Variants in CASP8 observed in about 807,000 individuals in gnomAD.
CASP8 encodes caspase 8, also known as caspase-8.
CASP8 carries 24 observed loss-of-function variants against 46.3 expected under a neutral mutation model. The ratio of observed to expected loss-of-function variants is 0.52; its 90% confidence interval spans 0.38 to 0.73. The LOEUF (loss-of-function observed/expected upper bound fraction) is 0.73. CASP8 is among the 30% of genes least tolerant of loss of function. CASP8 has a pLI of 0.00. For synonymous variants in CASP8, 188 were observed against 200.4 expected, an observed-to-expected ratio of 0.94 and a Z score of 0.52; for missense variants, 460 against 559.0, an observed-to-expected ratio of 0.82 and a Z score of 1.79.
chr2:201,270,691 G>A (rs1025872498), intron 2 of CASP8, among the ~76,000 whole-genome samples: 9 of 151,988 alleles, frequency 5.9e-5, no homozygotes, highest in South Asian at 4.1e-4. Context: ...CACCACACCC[G>A]GCTAATTTTT....
intron 2 of CASP8, chr2:201,242,003 C>G (rs147067357): frequency 6.6e-6 from 1 of 152,058 alleles, no homozygotes; most frequent in East Asian, 1.9e-4. Context: ...AATTCAATAC[C>G]CTTTCGTGAT....
At chr2:201,239,136 G>A (rs906103216) in intron 2 of CASP8, among the ~76,000 whole-genome samples, 1 of 152,230 alleles carries the variant, frequency 6.6e-6, no homozygotes, top group African/African-American at 2.4e-5. Context: ...TCTTAGTATA[G>A]AACAAAATGA....
At chr2:201,245,690 G>A (rs932710879) in intron 2 of CASP8, among the ~76,000 whole-genome samples, 3 of 152,182 alleles carry the variant, frequency 2.0e-5, no homozygotes, top group African/African-American at 7.2e-5. Flanking sequence ...GGAGTGAGGC[G>A]TAGGTTCCAG....
In CASP8 at chr2:201,285,144, G is replaced by A. The variant is rs747459798; in HGVS notation, c.1131G>A (p.Glu377=). The change falls in exon 8 of 9, where the codon GAG becomes GAA. Residue 377 remains glutamate (E), a synonymous_variant. Coordinates refer to ENST00000673742, the MANE Select transcript of CASP8 (RefSeq NM_001372051.1). ...KGIPVETDSE[E]QPYLEMDLSS... is the part of the protein sequence containing the mutation. ...TACCTGTTGAGACTGATTCAGAGGA[G>A]CAACCCTATTTAGAAATGGATTTAT... 1 of 1,614,174 alleles carries A rather than the reference G, an allele frequency of 6.2e-7. No individual in the cohort carries two copies. Among genetic ancestry groups the A allele is most frequent in the Non-Finnish European group, 8.5e-7 (1 of 1,180,020 alleles).
At chr2:201,282,425 A>G (rs1949120461) in intron 7 of CASP8, among the ~76,000 whole-genome samples, 1 of 78,206 alleles carries the variant, frequency 1.3e-5, no homozygotes, top group Non-Finnish European at 3.1e-5. Flanking sequence ...CATTGTCATC[A>G]TGGCCCATCC....
At chr2:201,263,958 A>G (rs1168918823) in intron 1 of CASP8, among the ~76,000 whole-genome samples, 1 of 152,234 alleles carries the variant, frequency 6.6e-6, no homozygotes, top group Non-Finnish European at 1.5e-5. Context: ...ACCTCCACCC[A>G]TCAGCCTTCT....
intron 2 of CASP8, chr2:201,269,442 C>T (rs1266572904): frequency 9.3e-7 from 1 of 1,073,968 alleles, no homozygotes; most frequent in African/African-American, 1.5e-5. Context: ...TCCTAAAAAC[C>T]CACAGCCCCA....
intron 8 of CASP8, 44 bp from the exon 9 acceptor site, chr2:201,286,415 G>C (rs533905633): frequency 1.2e-6 from 2 of 1,601,516 alleles, no homozygotes; most frequent in East Asian, 4.5e-5. Context: ...TTCATCAGTT[G>C]CTTTCCCCCA....
chr2:201,233,693 C>A (rs887245363), intron 1 of CASP8: 3 of 152,156 alleles, frequency 2.0e-5, no homozygotes, highest in Non-Finnish European at 2.9e-5. Flanking sequence ...TTCTTTTCCA[C>A]GTGAAAAGAT....
rs1000153701 is a variant in CASP8, at chr2:201,281,297, G to C, written c.803-3519G>C. 5.3e-5 allele frequency among the ~76,000 whole-genome samples: 8 copies of C among 152,206 alleles called. No individual in the cohort carries two copies. In the East Asian group the frequency reaches 1.2e-3, roughly 22 times the overall value. The stretch of plus-strand genomic sequence containing the variant: ...ACACTGCACTGTAGCCTGGGTGACA[G>C]AGTGAGACCTTTTCTAAAAAAAATT... On this transcript the variant is annotated intron_variant, in intron 7 of 8. Transcript: ENST00000673742.
rs376132296 is a variant in CASP8, at chr2:201,281,865, A to G, written c.803-2951A>G. 33 of 1,479,992 alleles carry G rather than the reference A, an allele frequency of 2.2e-5. 3 individuals are homozygous for G. The African/African-American group carries it at 3.9e-4, about 17-fold the overall frequency. The allele number at this position is 1,479,992 out of a possible 1,614,324, so 91.7% of individuals were successfully genotyped here. Reference sequence around the variant, plus strand: ...GAATGTTTTTAGCTGGTGGCAATAAATATTAGAAGCCTGCAGAATCCAGCT... The same window carrying G: ...GAATGTTTTTAGCTGGTGGCAATAAGTATTAGAAGCCTGCAGAATCCAGCT... On this transcript the variant is annotated intron_variant, in intron 7 of 8. Coordinates refer to ENST00000673742, the MANE Select transcript of CASP8 (RefSeq NM_001372051.1).
chr2:201,267,525 G>T (rs537633989), intron 2 of CASP8, among the ~76,000 whole-genome samples: 1 of 152,128 alleles, frequency 6.6e-6, no homozygotes, highest in South Asian at 2.1e-4. Context: ...GGCACGTTGG[G>T]TCATCCTGCC....
At chr2:201,240,576 A>G (rs1260291857) in intron 2 of CASP8, 1 of 152,268 alleles carries the variant, frequency 6.6e-6, no homozygotes, top group Non-Finnish European at 1.5e-5. Context: ...CCATACAAAA[A>G]TAGTAGGAGA....
At chr2:201,275,001 TATTTA>T in intron 6 of CASP8, 48 bp downstream of exon 6, 1 of 1,336,964 alleles carries the variant, frequency 7.5e-7, no homozygotes, top group Non-Finnish European at 1.1e-6. Context: ...AGATTCTAGT[TATTTA>T]ATTTGTTAGC....
At chr2:201,246,514 A>G (rs1276281452) in intron 2 of CASP8, among the ~76,000 whole-genome samples, 2 of 152,196 alleles carry the variant, frequency 1.3e-5, no homozygotes, top group Non-Finnish European at 2.9e-5. Context: ...TTATTATGCA[A>G]TCATCAAATG....
chr2:201,265,981 GT>G (rs113734571), intron 1 of CASP8, among the ~76,000 whole-genome samples: 87,836 of 138,778 alleles, frequency 0.63, 27,451 homozygotes, highest in South Asian at 0.76. Flanking sequence ...TGTTTTTTGT[GT>G]TTTTTTTTTT....
chr2:201,261,690 A>G lies in CASP8; in HGVS notation c.-27+1077A>G, dbSNP rs541378711. On this transcript the variant is annotated intron_variant, in intron 1 of 8. Coordinates refer to ENST00000673742, the MANE Select transcript of CASP8 (RefSeq NM_001372051.1). ...CCGCAGTCTGAGGCAGCCAGCCTGG[A>G]TTGGAGGGAGTGGCAATACTACCTG... 3.7e-4 allele frequency among the ~76,000 whole-genome samples: 56 copies of G among 152,228 alleles called. 2 individuals carry two copies. In the South Asian group the frequency reaches 0.011, roughly 30 times the overall value.
chr2:201,261,481 G>T (rs539469949), intron 1 of CASP8, among the ~76,000 whole-genome samples: 1 of 152,158 alleles, frequency 6.6e-6, no homozygotes, highest in East Asian at 1.9e-4. Flanking sequence ...TCAGAGACCT[G>T]CACTTGTGGG....
intron 8 of CASP8, among the ~76,000 whole-genome samples, chr2:201,285,775 C>CAA (rs1949529737): frequency 6.6e-6 from 1 of 152,168 alleles, no homozygotes; most frequent in African/African-American, 2.4e-5. Context: ...CCAACTCTGT[C>CAA]AAAAGTTCTA....
Sources: gnomAD v4.1 joint callset for allele counts (sites outside exome capture counted in the v4.1 genomes callset) on GRCh38, gnomAD v4.1.1 for gene constraint, MANE v1.5 for transcripts, NCBI Gene and HGNC (gene_info 2026-07-23, HGNC 2026-07-21) for gene names.